The following EFCAB8 variants were observed in gnomAD, a reference collection of about 807,000 sequenced individuals.
EFCAB8 encodes the protein EF-hand calcium-binding domain-containing protein 8.
A neutral mutation model predicts 116.3 loss-of-function variants in EFCAB8; 100 were observed. The ratio of observed to expected loss-of-function variants is 0.86; its 90% CI spans 0.73 to 1.02. EFCAB8 has a LOEUF of 1.02. Ranked by LOEUF, EFCAB8 falls within the 50% of genes least tolerant of loss-of-function variation. The pLI is 0.00. For synonymous variants in EFCAB8, 558 were observed against 567.9 expected, an observed-to-expected ratio of 0.98 and a Z score of 0.25; for missense variants, 1,320 against 1,416.9, an observed-to-expected ratio of 0.93 and a Z score of 1.10.
chr20:32,917,624 T>A, intron 18 of EFCAB8, 119 bp downstream of exon 18: 1 of 1,161,948 alleles, frequency 8.6e-7, no homozygotes, highest in Non-Finnish European at 1.2e-6. Flanking sequence ...CGACTTGTTC[T>A]GGATGGGGTG....
intron 20 of EFCAB8, among the ~76,000 whole-genome samples, chr20:32,928,893 AT>A (rs200356823): frequency 0.042 from 5,694 of 135,920 alleles, 223 homozygotes; most frequent in African/African-American, 0.11. Flanking sequence ...TTCTATTCCT[AT>A]TTTTTTTTTT....
At chr20:32,906,026 G>GGCAGTTCTA (rs1986659559) in intron 11 of EFCAB8, among the ~76,000 whole-genome samples, 1 of 152,042 alleles carries the variant, frequency 6.6e-6, no homozygotes, top group South Asian at 2.1e-4. Context: ...CCTAGCGCAG[G>GGCAGTTCTA]GCAGTTCTAT....
At chr20:32,912,386 C>T (rs113138806) in intron 16 of EFCAB8, among the ~76,000 whole-genome samples, 178 of 150,638 alleles carry the variant, frequency 1.2e-3, no homozygotes, top group African/African-American at 4.0e-3. Context: ...GAGCCGAGAT[C>T]CCGCCATCGC....
intron 22 of EFCAB8, among the ~76,000 whole-genome samples, chr20:32,935,192 CTT>C (rs753039647): frequency 8.8e-5 from 3 of 34,048 alleles, no homozygotes; most frequent in African/African-American, 3.6e-4. Flanking sequence ...TTCTTTCTTT[CTT>C]TTTTTTTTTT....
At chr20:32,916,501 T>G (rs573025293) in intron 17 of EFCAB8, among the ~76,000 whole-genome samples, 2 of 151,918 alleles carry the variant, frequency 1.3e-5, no homozygotes, top group Non-Finnish European at 2.9e-5. Context: ...TCAAACGATT[T>G]TCCTTCCTTG....
chr20:32,953,503 G>GT (rs1047208614), intron 23 of EFCAB8, among the ~76,000 whole-genome samples: 37 of 151,762 alleles, frequency 2.4e-4, no homozygotes, highest in East Asian at 1.2e-3. Context: ...TTTTGTTTTT[G>GT]TTTTTTTTGT....
intron 23 of EFCAB8, among the ~76,000 whole-genome samples, chr20:32,957,897 C>A (rs1989022975): frequency 6.7e-6 from 1 of 149,540 alleles, no homozygotes. Flanking sequence ...TTTTTTTTTT[C>A]TTAAATGATT....
Position 32,867,448 on chromosome 20 carries a change from A to G in EFCAB8, c.43-134A>G, listed in dbSNP as rs1436315855. The G allele has an allele frequency of 6.1e-6, 6 of 988,680 alleles. No individual in the cohort carries two copies. The East Asian group carries it at 1.6e-4, about 27-fold the overall frequency. The allele number at this position is 988,680 out of a possible 1,614,324, so 61.2% of individuals were successfully genotyped here. Reference sequence around the variant, plus strand: ...GTGTAAAAATGGTTAAGAATTCTGTATTTCTGTCAGTGACATCATAACACT... The same window carrying G: ...GTGTAAAAATGGTTAAGAATTCTGTGTTTCTGTCAGTGACATCATAACACT... On this transcript the variant is annotated intron_variant, in intron 2 of 26. Coordinates refer to ENST00000400522, the MANE Select transcript of EFCAB8 (RefSeq NM_001143967.2).
At chr20:32,880,460 G>A (rs933164784) in intron 5 of EFCAB8, among the ~76,000 whole-genome samples, 5 of 151,966 alleles carry the variant, frequency 3.3e-5, no homozygotes, top group Admixed American at 3.3e-4. Context: ...TAATAGAGAT[G>A]GGGTTTCACT....
At chr20:32,902,651 G>C (rs1222073347) in intron 11 of EFCAB8, among the ~76,000 whole-genome samples, 1 of 152,204 alleles carries the variant, frequency 6.6e-6, no homozygotes, top group Non-Finnish European at 1.5e-5. Flanking sequence ...GCAGTGCAAT[G>C]TACAGGCCGG....
In EFCAB8 at chr20:32,917,317, C is replaced by A; in HGVS notation, c.1873C>A (p.Pro625Thr). Reference protein sequence around the residue: ...ITHFLFHKTKPVLLCYHWQTY... With the variant: ...ITHFLFHKTKTVLLCYHWQTY... ...TATGCACAGGTTCCACAAGACCAAG[C>A]CAGTGCTCTTGTGCTACCACTGGCA... The change falls in exon 18 of 27, where the codon CCA (proline) becomes ACA (threonine). Residue 625 changes from proline (P) to threonine (T), a missense_variant. By Grantham distance (38) the Pro-to-Thr change is conservative. Coordinates refer to ENST00000400522, the MANE Select transcript of EFCAB8 (RefSeq NM_001143967.2). 6.4e-7 allele frequency: 1 copy of A among 1,551,516 alleles called. No homozygotes were observed. The highest frequency in any genetic ancestry group is 1.2e-5 in the South Asian group (1 of 84,048).
chr20:32,877,366 A>T (rs1314001082), intron 4 of EFCAB8, among the ~76,000 whole-genome samples: 23 of 150,546 alleles, frequency 1.5e-4, no homozygotes, highest in African/African-American at 5.1e-4. Context: ...CCACCACCAC[A>T]CCTGGCTAAT....
chr20:32,916,237 A>T (rs2146254449), intron 17 of EFCAB8, among the ~76,000 whole-genome samples: 1 of 150,396 alleles, frequency 6.6e-6, no homozygotes, highest in Non-Finnish European at 1.5e-5. Context: ...AGGACAAGGG[A>T]TCTCTCTGGG....
At chr20:32,927,965 A>G (rs947845585) in intron 20 of EFCAB8, among the ~76,000 whole-genome samples, 10 of 151,948 alleles carry the variant, frequency 6.6e-5, no homozygotes, top group African/African-American at 2.4e-4. Flanking sequence ...TTGAAACTAT[A>G]CCCATTAAAA....
At chr20:32,891,111 A>G (rs1347407265) in intron 7 of EFCAB8, among the ~76,000 whole-genome samples, 1 of 151,966 alleles carries the variant, frequency 6.6e-6, no homozygotes, top group Non-Finnish European at 1.5e-5. Context: ...TTAAAACCCC[A>G]TTTATTTTTT....
intron 1 of EFCAB8, among the ~76,000 whole-genome samples, chr20:32,862,767 A>ACCTCC (rs1984179029): frequency 6.6e-6 from 1 of 152,092 alleles, no homozygotes; most frequent in African/African-American, 2.4e-5. Flanking sequence ...AGCTGGGATT[A>ACCTCC]CAGGAACCTG....
chr20:32,892,944 G>A (rs1985988957), intron 8 of EFCAB8, among the ~76,000 whole-genome samples: 1 of 151,568 alleles, frequency 6.6e-6, no homozygotes, highest in South Asian at 2.1e-4. Flanking sequence ...GGGTTCAAGT[G>A]ATTCTCCTGC....
chr20:32,892,951 C>T (rs1384817474), intron 8 of EFCAB8, among the ~76,000 whole-genome samples: 1 of 151,898 alleles, frequency 6.6e-6, no homozygotes, highest in African/African-American at 2.4e-5. Flanking sequence ...AGTGATTCTC[C>T]TGCCTCAGCC....
intron 8 of EFCAB8, 105 bp downstream of exon 8, chr20:32,892,402 A>G (rs1985964166): frequency 2.0e-6 from 2 of 989,510 alleles, no homozygotes; most frequent in Non-Finnish European, 3.0e-6. Context: ...CTCCTTGGAA[A>G]GATCTGGAAA....
Sources: allele counts gnomAD v4.1 joint callset (sites outside exome capture counted in the v4.1 genomes callset), GRCh38; gene constraint gnomAD v4.1.1; transcripts MANE v1.5; gene names NCBI Gene and HGNC (gene_info 2026-07-23, HGNC 2026-07-21).